The following GPM6A variants were observed in gnomAD, a reference collection of about 807,000 sequenced individuals.
The protein encoded by GPM6A is neuronal membrane glycoprotein M6-a.
In GPM6A, 7 loss-of-function variants were observed where a neutral mutation model predicts 32.1. The ratio of observed to expected loss-of-function variants is 0.22; its 90% CI spans 0.12 to 0.41. The LOEUF (loss-of-function observed/expected upper bound fraction) is 0.41, where lower values mean the gene tolerates loss of function less well. GPM6A is among the 10% of genes least tolerant of loss of function. The pLI is 1.00. For missense variants in GPM6A, 235 were observed against 347.2 expected, an observed-to-expected ratio of 0.68 and a Z score of 2.57; for synonymous variants, 130 against 123.4, an observed-to-expected ratio of 1.05 and a Z score of -0.35.
At chr4:175,780,286 G>A (rs1299575137) in intron 1 of GPM6A, among the ~76,000 whole-genome samples, 1 of 152,084 alleles carries the variant, frequency 6.6e-6, no homozygotes, top group Non-Finnish European at 1.5e-5. Flanking sequence ...GACCTCAGGT[G>A]ATCCACCTGC....
At chr4:175,885,973 A>G (rs1737440336) in intron 1 of GPM6A, among the ~76,000 whole-genome samples, 1 of 152,030 alleles carries the variant, frequency 6.6e-6, no homozygotes, top group South Asian at 2.1e-4. Flanking sequence ...CTCAGAATAC[A>G]GCATGAAAAG....
intron 1 of GPM6A, among the ~76,000 whole-genome samples, chr4:175,974,063 T>C (rs565968284): frequency 6.6e-6 from 1 of 151,878 alleles, no homozygotes; most frequent in Non-Finnish European, 1.5e-5. Flanking sequence ...TGAAACCCCA[T>C]CTCTACTAAA....
chr4:175,754,446 T>A (rs1488237170), intron 1 of GPM6A, among the ~76,000 whole-genome samples: 3 of 152,156 alleles, frequency 2.0e-5, no homozygotes, highest in African/African-American at 7.2e-5. Context: ...TATCCCAAAC[T>A]TCTAACTCTC....
At chr4:175,771,530 C>T (rs1032323565) in intron 1 of GPM6A, among the ~76,000 whole-genome samples, 10 of 130,092 alleles carry the variant, frequency 7.7e-5, no homozygotes, top group East Asian at 2.2e-4. Context: ...CCAGCCTGGG[C>T]GACAGAGTGA....
At chr4:175,734,787 C>T (rs1332702271) in intron 1 of GPM6A, among the ~76,000 whole-genome samples, 5 of 152,004 alleles carry the variant, frequency 3.3e-5, no homozygotes, top group African/African-American at 4.8e-5. Flanking sequence ...GCAAGAGAAT[C>T]GCTTGAACCT....
At chr4:175,780,015 G>GA (rs1398208303) in intron 1 of GPM6A, among the ~76,000 whole-genome samples, 2 of 150,794 alleles carry the variant, frequency 1.3e-5, no homozygotes, top group African/African-American at 4.9e-5. Context: ...TTTAAAGTCA[G>GA]AAAAAATTAG....
intron 1 of GPM6A, among the ~76,000 whole-genome samples, chr4:175,957,037 G>C (rs1740009305): frequency 6.6e-6 from 1 of 152,072 alleles, no homozygotes; most frequent in Admixed American, 6.6e-5. Flanking sequence ...TATAAGCGTA[G>C]GGAAAAAGAC....
At chr4:175,899,130 T>C (rs1010765988) in intron 1 of GPM6A, among the ~76,000 whole-genome samples, 3 of 152,148 alleles carry the variant, frequency 2.0e-5, no homozygotes, top group African/African-American at 7.2e-5. Context: ...ATTTGCTTCT[T>C]CCTCTCCCCT....
intron 2 of GPM6A, among the ~76,000 whole-genome samples, chr4:175,675,260 A>G (rs1217229340): frequency 2.0e-5 from 3 of 150,812 alleles, no homozygotes; most frequent in Non-Finnish European, 1.5e-5. Flanking sequence ...TATATATTAT[A>G]TATATATCTG....
chr4:175,659,180 T>C (rs77292290), intron 3 of GPM6A, among the ~76,000 whole-genome samples: 3,802 of 151,098 alleles, frequency 0.025, 110 homozygotes, highest in East Asian at 0.085. Context: ...CCTCCCGGGT[T>C]CAAGCGACTC....
intron 1 of GPM6A, among the ~76,000 whole-genome samples, chr4:175,803,983 T>TTGA (rs1345155569): frequency 7.9e-5 from 12 of 152,208 alleles, no homozygotes; most frequent in African/African-American, 2.6e-4. Context: ...TTTTTTTAAC[T>TTGA]TGATGAAAAA....
chr4:175,683,171 T>C (rs543815423), intron 2 of GPM6A, among the ~76,000 whole-genome samples: 120 of 152,302 alleles, frequency 7.9e-4, no homozygotes, highest in Non-Finnish European at 1.3e-3. Flanking sequence ...GGACACAGAG[T>C]AAAGATTATT....
At chr4:175,837,144 A>T (rs1157503731) in intron 1 of GPM6A, among the ~76,000 whole-genome samples, 3 of 151,980 alleles carry the variant, frequency 2.0e-5, no homozygotes, top group Non-Finnish European at 4.4e-5. Flanking sequence ...AGAGAGAGAG[A>T]GTGAAAGATG....
At chr4:175,801,985 T>A (rs975700351) in intron 1 of GPM6A, among the ~76,000 whole-genome samples, 2 of 152,074 alleles carry the variant, frequency 1.3e-5, no homozygotes, top group Non-Finnish European at 2.9e-5. Context: ...TTGGTAAGCA[T>A]ACTACACTCC....
intron 1 of GPM6A, among the ~76,000 whole-genome samples, chr4:175,824,154 C>T (rs1246519587): frequency 2.6e-5 from 4 of 152,300 alleles, no homozygotes; most frequent in East Asian, 1.9e-4. Context: ...TTGGCCCTGA[C>T]ATATGGTCTC....
intron 1 of GPM6A, among the ~76,000 whole-genome samples, chr4:175,918,001 T>C (rs1286136451): frequency 6.6e-6 from 1 of 152,130 alleles, no homozygotes; most frequent in African/African-American, 2.4e-5. Flanking sequence ...AAATAGCTGC[T>C]TTAGTGATAA....
At chr4:175,801,991 A>T (rs761283748) in intron 1 of GPM6A, among the ~76,000 whole-genome samples, 105 of 152,002 alleles carry the variant, frequency 6.9e-4, no homozygotes, top group Non-Finnish European at 1.3e-3. Flanking sequence ...AGCATACTAC[A>T]CTCCGTATAA....
At chr4:175,714,052 G>A (rs1202751695) in intron 1 of GPM6A, among the ~76,000 whole-genome samples, 2 of 151,962 alleles carry the variant, frequency 1.3e-5, no homozygotes, top group African/African-American at 2.4e-5. Context: ...ATTTGTGGAT[G>A]GGTATCAAAA....
intron 2 of GPM6A, among the ~76,000 whole-genome samples, chr4:175,696,999 A>G (rs1468772256): frequency 1.3e-5 from 2 of 152,202 alleles, no homozygotes; most frequent in Non-Finnish European, 2.9e-5. Flanking sequence ...AATATTAAAG[A>G]ATTCACTAGG....
Sources: allele counts gnomAD v4.1 joint callset (sites outside exome capture counted in the v4.1 genomes callset), GRCh38; gene constraint gnomAD v4.1.1; transcripts MANE v1.5; gene names NCBI Gene and HGNC (gene_info 2026-07-23, HGNC 2026-07-21).